The following ZNF277 variants were observed in gnomAD, a reference collection of about 807,000 sequenced individuals.
ZNF277 encodes the protein zinc finger protein 277.
ZNF277 carries 55 observed loss-of-function variants against 60.7 expected under a neutral mutation model. The observed-to-expected ratio is 0.91, with a 90% CI of 0.73 to 1.13. The LOEUF (loss-of-function observed/expected upper bound fraction) is 1.13. Among genes scored for constraint, ZNF277 ranks in the 50% most tolerant of loss-of-function variants. ZNF277 has a pLI of 0.00. For missense variants in ZNF277, 510 were observed against 523.0 expected, an observed-to-expected ratio of 0.98 and a Z score of 0.24; for synonymous variants, 178 against 179.3, an observed-to-expected ratio of 0.99 and a Z score of 0.06.
At chr7:112,287,536 T>C (rs1441505356) in intron 2 of ZNF277, 1 of 151,936 alleles carries the variant, frequency 6.6e-6, no homozygotes, top group African/African-American at 2.4e-5. Flanking sequence ...GACTTTTTTT[T>C]TTTTTTTGAG....
At chr7:112,293,489 A>T (rs1349367554) in intron 2 of ZNF277, among the ~76,000 whole-genome samples, 1 of 150,824 alleles carries the variant, frequency 6.6e-6, no homozygotes, top group Non-Finnish European at 1.5e-5. Context: ...TGAGGTGGGG[A>T]GGATGTCTTC....
intron 1 of ZNF277, among the ~76,000 whole-genome samples, chr7:112,212,627 G>A (rs960348): frequency 0.63 from 95,190 of 152,098 alleles, 32,502 homozygotes; most frequent in Non-Finnish European, 0.76. Context: ...AGAACTGCCT[G>A]CTCTTTGATA....
Position 112,342,759 on chromosome 7 carries a change from A to G in ZNF277, c.*30A>G. The G allele has an allele frequency of 6.9e-7, 1 of 1,446,442 alleles. No homozygotes were observed. The highest frequency in any genetic ancestry group is 9.1e-7 in the Non-Finnish European group (1 of 1,093,610). 89.6% of individuals were successfully genotyped at this position (1,446,442 alleles called of 1,614,324 possible). A position where few individuals can be genotyped will look rare whatever the true frequency, so the allele number is the denominator to read the frequency against. On this transcript the variant is annotated 3_prime_UTR_variant, in exon 12 of 12. Transcript: ENST00000361822. ...ACTTGAAAACCTAGAAGAAACTACC[A>G]CAGAAGCAATTTTTCATGTTTTTCT...
intron 1 of ZNF277, among the ~76,000 whole-genome samples, chr7:112,254,757 C>T (rs1791272161): frequency 6.6e-6 from 1 of 152,000 alleles, no homozygotes; most frequent in Admixed American, 6.6e-5. Context: ...TTGCTTGAGC[C>T]CAGGATTTTA....
chr7:112,288,542 C>G (rs1291527996), intron 2 of ZNF277: 4 of 152,168 alleles, frequency 2.6e-5, no homozygotes, highest in African/African-American at 9.7e-5. Context: ...CCTAACTACT[C>G]TAAGCATTGA....
At chr7:112,324,440 C>T (rs1281528821) in intron 5 of ZNF277, among the ~76,000 whole-genome samples, 1 of 152,092 alleles carries the variant, frequency 6.6e-6, no homozygotes, top group Admixed American at 6.6e-5. Flanking sequence ...AGCAAGTTGA[C>T]ATTAGGAATT....
At chr7:112,296,908 ATTTATTTTTTTTT>A (rs1792357078) in intron 4 of ZNF277, among the ~76,000 whole-genome samples, 1 of 37,184 alleles carries the variant, frequency 2.7e-5, no homozygotes. Flanking sequence ...TTATTTATTT[ATTTATTTTTTTTT>A]TTTTTTTTTT....
At chr7:112,330,063 G>C in intron 6 of ZNF277, 21 bp from the exon 7 acceptor site, 1 of 1,601,598 alleles carries the variant, frequency 6.2e-7, no homozygotes, top group Non-Finnish European at 8.5e-7. Flanking sequence ...TTGTTTATCA[G>C]TGTTTGTGTA....
intron 1 of ZNF277, among the ~76,000 whole-genome samples, chr7:112,259,880 T>G (rs1192148810): frequency 6.6e-6 from 1 of 152,142 alleles, no homozygotes; most frequent in African/African-American, 2.4e-5. Context: ...AATTAAGCAA[T>G]CACTGACATA....
intron 1 of ZNF277, among the ~76,000 whole-genome samples, chr7:112,231,277 A>G (rs905748275): frequency 6.6e-6 from 1 of 152,142 alleles, no homozygotes; most frequent in Non-Finnish European, 1.5e-5. Flanking sequence ...TTTAAAAAGA[A>G]ACTCTTAAAA....
chr7:112,270,902 A>C (rs1219980631), intron 1 of ZNF277, among the ~76,000 whole-genome samples: 5 of 152,058 alleles, frequency 3.3e-5, no homozygotes, highest in Admixed American at 3.3e-4. Context: ...GCAAAAAATA[A>C]AATAAAAATA....
intron 9 of ZNF277, 51 bp from the exon 10 acceptor site, chr7:112,339,792 T>C: frequency 4.5e-6 from 7 of 1,558,734 alleles, no homozygotes; most frequent in Non-Finnish European, 6.2e-6. Flanking sequence ...AACTTCAGCC[T>C]GAAAGATTAA....
intron 1 of ZNF277, among the ~76,000 whole-genome samples, chr7:112,232,075 A>G (rs937202619): frequency 3.1e-5 from 3 of 98,188 alleles, no homozygotes; most frequent in Non-Finnish European, 4.6e-5. Flanking sequence ...ATATATATAT[A>G]TATATATATT....
Position 112,289,716 on chromosome 7 carries a change from C to T in ZNF277, c.293+2642C>T, listed in dbSNP as rs550371543. ...CATAGGTTATTCTTTCCTAAGGCTTCTATTAGTCAGCTTTTCTTTAATATG... is the reference window on the plus strand; with the variant it reads ...CATAGGTTATTCTTTCCTAAGGCTTTTATTAGTCAGCTTTTCTTTAATATG... On this transcript the variant is annotated intron_variant, in intron 2 of 11. Coordinates refer to ENST00000361822, the MANE Select transcript of ZNF277 (RefSeq NM_021994.3). 3.3e-5 allele frequency among the ~76,000 whole-genome samples: 5 copies of T among 152,174 alleles called. No individual in the cohort carries two copies. The East Asian group carries it at 9.6e-4, about 29-fold the overall frequency.
intron 1 of ZNF277, among the ~76,000 whole-genome samples, chr7:112,241,342 T>G (rs1790949702): frequency 6.6e-6 from 1 of 152,128 alleles, no homozygotes; most frequent in African/African-American, 2.4e-5. Flanking sequence ...ATGGCTTTCA[T>G]GCAAAAGACA....
At chr7:112,214,504 C>T (rs1320610890) in intron 1 of ZNF277, among the ~76,000 whole-genome samples, 1 of 152,128 alleles carries the variant, frequency 6.6e-6, no homozygotes, top group Non-Finnish European at 1.5e-5. Flanking sequence ...AGCAGGGCAG[C>T]TTTTTTCAGA....
chr7:112,326,007 C>T (rs1397676394), intron 5 of ZNF277, among the ~76,000 whole-genome samples: 1 of 152,048 alleles, frequency 6.6e-6, no homozygotes, highest in Admixed American at 6.5e-5. Flanking sequence ...AACCACTGGC[C>T]TCTCATCTCG....
chr7:112,223,857 TC>T (rs1391126862), intron 1 of ZNF277, among the ~76,000 whole-genome samples: 7 of 152,210 alleles, frequency 4.6e-5, no homozygotes, highest in African/African-American at 1.7e-4. Context: ...GTTGCAGTCT[TC>T]CTTGTCACAT....
At position 112,339,260 on chromosome 7, in the gene ZNF277, A is replaced by G. The variant is rs181765821; in HGVS notation, c.967-583A>G. Among the ~76,000 whole-genome samples, 362 of 152,358 alleles carry G rather than the reference A, an allele frequency of 2.4e-3. 1 individual carries two copies. The highest frequency in any genetic ancestry group is 8.3e-3 in the African/African-American group (344 of 41,582). On this transcript the variant is annotated intron_variant, in intron 9 of 11. Transcript: ENST00000361822. ...TAGACTTCTACATTTTTAGAAGGCT[A>G]CAAAATGGATAACATTGTAAATTAT...
Sources: allele counts gnomAD v4.1 joint callset (sites outside exome capture counted in the v4.1 genomes callset), GRCh38; gene constraint gnomAD v4.1.1; transcripts MANE v1.5; gene names NCBI Gene and HGNC (gene_info 2026-07-23, HGNC 2026-07-21).